VSTM2L: variants seen among roughly 807,000 people sequenced by gnomAD.
VSTM2L encodes the protein V-set and transmembrane domain containing 2 like.
VSTM2L carries 9 observed loss-of-function variants against 19.9 expected under a neutral mutation model. The ratio of observed to expected loss-of-function variants is 0.45; its 90% CI spans 0.27 to 0.79. The LOEUF is 0.79. Among genes scored for constraint, VSTM2L ranks in the 30% least tolerant of loss-of-function variants. The probability of loss-of-function intolerance (pLI) is 0.15; values close to 1 mark genes in which losing one functional copy is unlikely to be tolerated. For missense variants in VSTM2L, 286 were observed against 295.5 expected (o/e 0.97, Z 0.24); for synonymous variants, 127 against 133.8 (o/e 0.95, Z 0.35).
At chr20:37,926,839 C>A (rs957950121) in intron 1 of VSTM2L, among the ~76,000 whole-genome samples, 1 of 152,248 alleles carries the variant, frequency 6.6e-6, no homozygotes, top group Non-Finnish European at 1.5e-5. Flanking sequence ...TCACTCACCA[C>A]CTGCTAAGAT....
chr20:37,910,951 G>A (rs1019204429), intron 1 of VSTM2L, among the ~76,000 whole-genome samples: 24 of 150,556 alleles, frequency 1.6e-4, no homozygotes, highest in Admixed American at 1.3e-3. Flanking sequence ...AGAAGAAGAA[G>A]AAGAATATAT....
chr20:37,925,952 G>T (rs966315630), intron 1 of VSTM2L, among the ~76,000 whole-genome samples: 18 of 152,248 alleles, frequency 1.2e-4, no homozygotes, highest in African/African-American at 4.3e-4. Context: ...GCCTCCAGCT[G>T]GGTGAAATGC....
chr20:37,936,746 C>T (rs571901583), intron 3 of VSTM2L, among the ~76,000 whole-genome samples: 1 of 152,292 alleles, frequency 6.6e-6, no homozygotes, highest in South Asian at 2.1e-4. Flanking sequence ...CCTCGACTCT[C>T]CCTTTTCCTC....
chr20:37,912,830 A>G (rs1350705405), intron 1 of VSTM2L, among the ~76,000 whole-genome samples: 1 of 151,724 alleles, frequency 6.6e-6, no homozygotes, highest in Non-Finnish European at 1.5e-5. Flanking sequence ...TCCCTGCCCT[A>G]CTGCTCTCTG....
At chr20:37,930,336 G>A (rs572369676) in intron 1 of VSTM2L, among the ~76,000 whole-genome samples, 320 of 152,294 alleles carry the variant, frequency 2.1e-3, no homozygotes, top group Non-Finnish European at 3.7e-3. Context: ...CCTAGCCCAG[G>A]ACTCCCTCTT....
intron 2 of VSTM2L, among the ~76,000 whole-genome samples, chr20:37,933,123 G>A (rs2072919932): frequency 6.6e-6 from 1 of 152,266 alleles, no homozygotes; most frequent in East Asian, 1.9e-4. Context: ...GGTTCCCACA[G>A]CGTCTGCACA....
intron 1 of VSTM2L, among the ~76,000 whole-genome samples, chr20:37,911,235 C>CAAAA (rs11352183): frequency 1.3e-4 from 6 of 45,760 alleles, no homozygotes; most frequent in Admixed American, 2.1e-4. Context: ...GACTCCATCT[C>CAAAA]AAAAAAAAAA....
chr20:37,929,715 A>C (rs944212785), intron 1 of VSTM2L, among the ~76,000 whole-genome samples: 11 of 152,198 alleles, frequency 7.2e-5, no homozygotes, highest in Admixed American at 7.2e-4. Context: ...CCAGGAAGGC[A>C]GTGGAGGTGG....
intron 1 of VSTM2L, among the ~76,000 whole-genome samples, chr20:37,911,742 G>C (rs2072781194): frequency 6.6e-6 from 1 of 152,170 alleles, no homozygotes; most frequent in Non-Finnish European, 1.5e-5. Context: ...TGCCTTGCTG[G>C]GTGACTTGGC....
chr20:37,937,513 G>C (rs1301145935), intron 3 of VSTM2L, among the ~76,000 whole-genome samples: 1 of 152,126 alleles, frequency 6.6e-6, no homozygotes, highest in Non-Finnish European at 1.5e-5. Context: ...CTAAAATTGA[G>C]GTTAATTTTC....
intron 1 of VSTM2L, among the ~76,000 whole-genome samples, chr20:37,924,068 C>T (rs1161134230): frequency 6.6e-6 from 1 of 151,996 alleles, no homozygotes; most frequent in Non-Finnish European, 1.5e-5. Flanking sequence ...GAGACCCTGT[C>T]TCTACAAAAA....
chr20:37,930,235 G>A (rs1374720219), intron 1 of VSTM2L, among the ~76,000 whole-genome samples: 5 of 152,228 alleles, frequency 3.3e-5, no homozygotes, highest in Admixed American at 6.5e-5. Context: ...AGATGGAGTC[G>A]TTTGTCAATT....
chr20:37,933,456 G>C, intron 2 of VSTM2L, 83 bp from the exon 3 acceptor site: 1 of 1,133,112 alleles, frequency 8.8e-7, no homozygotes, highest in South Asian at 1.3e-5. Flanking sequence ...TCCCTATAAT[G>C]TGTCTCCCCA....
At chr20:37,931,038 A>G (rs6096963) in intron 1 of VSTM2L, among the ~76,000 whole-genome samples, 103,317 of 151,996 alleles carry the variant, frequency 0.68, 35,842 homozygotes, top group African/African-American at 0.76. Context: ...AGGGCATTCC[A>G]GAAGGAGAAC....
intron 2 of VSTM2L, among the ~76,000 whole-genome samples, chr20:37,932,165 A>G (rs983725263): frequency 6.6e-5 from 10 of 152,196 alleles, no homozygotes; most frequent in African/African-American, 2.2e-4. Context: ...ACTTCCCACC[A>G]CTTCTCCGGG....
intron 1 of VSTM2L, among the ~76,000 whole-genome samples, chr20:37,906,569 G>A (rs2072753225): frequency 6.6e-6 from 1 of 152,240 alleles, no homozygotes; most frequent in Non-Finnish European, 1.5e-5. Flanking sequence ...ATGCAAGGTT[G>A]GTGTTGGAGA....
In VSTM2L at chr20:37,944,251, T is replaced by C. The variant is rs1215112904; in HGVS notation, c.613T>C (p.Ter205GlnextTer68). 2 of 1,465,526 alleles carry C rather than the reference T, an allele frequency of 1.4e-6. No homozygotes were observed. The highest frequency in any genetic ancestry group is 2.2e-5 in the Admixed American group (1 of 44,868). 90.8% of individuals were successfully genotyped at this position (1,465,526 alleles called of 1,614,324 possible). Reference sequence around the variant, plus strand: ...GGTGGACCAGGAGGCCTGCAGCCTCTAGACTGATGCCCCTGCCCCCGCCCA... The same window carrying C: ...GGTGGACCAGGAGGCCTGCAGCCTCCAGACTGATGCCCCTGCCCCCGCCCA... ...RSVDQEACSL[*>Q] Residue 205 changes from the stop codon to glutamine (Q), a stop_lost, in exon 4 of 4, where the codon TAG becomes CAG. Transcript: ENST00000373461.
intron 1 of VSTM2L, among the ~76,000 whole-genome samples, chr20:37,930,602 A>G (rs1051879989): frequency 1.3e-5 from 2 of 152,016 alleles, no homozygotes; most frequent in African/African-American, 4.8e-5. Context: ...GAGACAGAAC[A>G]TATGGTGGGG....
At chr20:37,919,839 CT>C (rs140046384) in intron 1 of VSTM2L, among the ~76,000 whole-genome samples, 10,183 of 152,242 alleles carry the variant, frequency 0.067, 1,059 homozygotes, top group African/African-American at 0.23. Flanking sequence ...TCCCTTGATG[CT>C]GTGTGATCTC....
Sources: allele counts gnomAD v4.1 joint callset (sites outside exome capture counted in the v4.1 genomes callset), GRCh38; gene constraint gnomAD v4.1.1; transcripts MANE v1.5; gene names NCBI Gene and HGNC (gene_info 2026-07-23, HGNC 2026-07-21).